Variants in PNLIPRP3 observed in about 807,000 individuals in gnomAD.
The protein encoded by PNLIPRP3 is pancreatic lipase related protein 3, also known as pancreatic lipase-related protein 3.
Under a neutral mutation model 52.8 loss-of-function variants are expected in PNLIPRP3, and 58 were observed. The ratio of observed to expected loss-of-function variants is 1.10; its 90% CI spans 0.89 to 1.37. The LOEUF is 1.37. Ranked by LOEUF, PNLIPRP3 falls within the 40% of genes most tolerant of loss-of-function variation. The probability of loss-of-function intolerance (pLI) is 0.00; values close to 1 mark genes in which losing one functional copy is unlikely to be tolerated. For missense variants in PNLIPRP3, 593 were observed against 561.6 expected (o/e 1.06, Z -0.57); for synonymous variants, 192 against 185.0 (o/e 1.04, Z -0.31).
At chr10:116,475,994 T>C (rs1846458314) in intron 10 of PNLIPRP3, among the ~76,000 whole-genome samples, 1 of 152,122 alleles carries the variant, frequency 6.6e-6, no homozygotes, top group African/African-American at 2.4e-5. Flanking sequence ...AGATGTTGGT[T>C]TGGGTGCCAC....
At chr10:116,439,926 T>G (rs573727132) in intron 2 of PNLIPRP3, 102 of 869,364 alleles carry the variant, frequency 1.2e-4, no homozygotes, top group Admixed American at 1.1e-3. Context: ...TCTTGGAAAA[T>G]TCTGCAAAAT....
intron 8 of PNLIPRP3, among the ~76,000 whole-genome samples, chr10:116,468,432 A>G (rs766843151): frequency 1.3e-5 from 2 of 152,218 alleles, no homozygotes; most frequent in Non-Finnish European, 2.9e-5. Flanking sequence ...AATGAAACAC[A>G]AAAACATAAG....
intron 9 of PNLIPRP3, 96 bp from the exon 10 acceptor site, chr10:116,471,672 T>C (rs1846373372): frequency 1.2e-5 from 12 of 979,228 alleles, no homozygotes; most frequent in Non-Finnish European, 1.9e-5. Flanking sequence ...AATACAACCC[T>C]GAAAATTTTA....
chr10:116,428,482 T>G (rs1589972368), intron 1 of PNLIPRP3, among the ~76,000 whole-genome samples: 1 of 152,152 alleles, frequency 6.6e-6, no homozygotes, highest in Non-Finnish European at 1.5e-5. Flanking sequence ...TTCCAAATTC[T>G]GTAGCTGACT....
At chr10:116,436,055 C>A (rs1388612430) in intron 1 of PNLIPRP3, among the ~76,000 whole-genome samples, 2 of 152,202 alleles carry the variant, frequency 1.3e-5, no homozygotes, top group African/African-American at 4.8e-5. Context: ...ATATGGTCAA[C>A]TAGTCTTTGA....
chr10:116,442,309 G>C lies in PNLIPRP3; in HGVS notation c.205-746G>C, dbSNP rs553681524. ...CATATAAAATTATCTCCAATATGCT[G>C]GTGTATTTCATGTGATGAGATTCTA... On this transcript the variant is annotated intron_variant, in intron 2 of 11. Coordinates refer to ENST00000369230, the MANE Select transcript of PNLIPRP3 (RefSeq NM_001011709.3). Among the ~76,000 whole-genome samples the C allele has an allele frequency of 9.6e-4, 146 of 152,184 alleles. 3 individuals are homozygous for C. In the South Asian group the frequency reaches 0.028, roughly 29 times the overall value.
chr10:116,469,209 G>T lies in PNLIPRP3; in HGVS notation c.952G>T (p.Glu318Ter). 1 of 1,612,032 alleles carries T rather than the reference G, an allele frequency of 6.2e-7. No homozygotes were observed. Among genetic ancestry groups the T allele is most frequent in the South Asian group, 1.1e-5 (1 of 90,248 alleles). ...KAGNCFFCSK[E>*]GCPTMGHFAD... Reference sequence around the variant, plus strand: ...GGGAAATTGCTTCTTTTGTTCCAAAGAAGGTTGCCCAACAATGGGTCATTT... The same window carrying T: ...GGGAAATTGCTTCTTTTGTTCCAAATAAGGTTGCCCAACAATGGGTCATTT... Residue 318 changes from glutamate (E) to a stop codon, truncating the protein, a stop_gained, in exon 9 of 12, where the codon GAA (glutamate) becomes TAA (stop). Transcript: ENST00000369230. LOFTEE classifies it high-confidence loss of function.
intron 9 of PNLIPRP3, among the ~76,000 whole-genome samples, chr10:116,470,979 G>A (rs952086777): frequency 2.0e-5 from 3 of 152,248 alleles, no homozygotes; most frequent in African/African-American, 7.2e-5. Context: ...AGACAGCAGG[G>A]GGAGCCAGGT....
intron 3 of PNLIPRP3, among the ~76,000 whole-genome samples, chr10:116,443,733 T>C: frequency 7.1e-6 from 1 of 140,326 alleles, no homozygotes; most frequent in Non-Finnish European, 1.5e-5. Context: ...AATGCATAGG[T>C]GCTAATTACT....
chr10:116,461,847 A>G (rs534300913), intron 7 of PNLIPRP3, among the ~76,000 whole-genome samples: 25 of 152,274 alleles, frequency 1.6e-4, no homozygotes, highest in Admixed American at 4.6e-4. Flanking sequence ...CACCAAGGGG[A>G]GAGGCATTCC....
intron 5 of PNLIPRP3, among the ~76,000 whole-genome samples, chr10:116,458,912 T>G (rs1374841833): frequency 1.3e-5 from 2 of 152,200 alleles, no homozygotes; most frequent in Non-Finnish European, 2.9e-5. Flanking sequence ...TCCTTAGGGT[T>G]CATTCTCTCC....
chr10:116,477,213 C>A lies in PNLIPRP3; in HGVS notation c.*60C>A. 1 of 1,416,054 alleles carries A rather than the reference C, an allele frequency of 7.1e-7. No homozygotes were observed. The allele number at this position is 1,416,054 out of a possible 1,614,324, so 87.7% of individuals were successfully genotyped here. A position where few individuals can be genotyped will look rare whatever the true frequency, so the allele number is the denominator to read the frequency against. ...GAGCAATGAAGAAAAGTGTCTCCTT[C>A]CACCTGGCATCCAGACCAAATTTGA... On this transcript the variant is annotated 3_prime_UTR_variant, in exon 12 of 12. Coordinates refer to ENST00000369230, the MANE Select transcript of PNLIPRP3 (RefSeq NM_001011709.3).
chr10:116,435,186 G>A (rs1845757704), intron 1 of PNLIPRP3, among the ~76,000 whole-genome samples: 1 of 152,008 alleles, frequency 6.6e-6, no homozygotes, highest in Admixed American at 6.6e-5. Flanking sequence ...CAACTTTTTG[G>A]AGTCAGCATG....
rs1213309994 is a variant in PNLIPRP3 at position 116,476,824 on chromosome 10, G to T, written c.1340+5G>T. Reference sequence around the variant, plus strand: ...ATCTGGGAAATATGGATATAAGTAAGTATTGCTTTTTCCTTTTCATTTTCG... The same window carrying T: ...ATCTGGGAAATATGGATATAAGTAATTATTGCTTTTTCCTTTTCATTTTCG... On this transcript the variant is annotated splice_donor_5th_base_variant and intron_variant, in intron 11 of 11. Coordinates refer to ENST00000369230, the MANE Select transcript of PNLIPRP3 (RefSeq NM_001011709.3). 6.4e-7 allele frequency: 1 copy of T among 1,574,194 alleles called. No homozygotes were observed. The highest frequency in any genetic ancestry group is 2.3e-5 in the East Asian group (1 of 44,330).
Position 116,435,983 on chromosome 10 carries a change from C to T in PNLIPRP3, c.50-728C>T, listed in dbSNP as rs186599531. ...ATTAATCAAGACAGTGTGATACTGA[C>T]ATAAAAACAGACACATAAACAAATG... On this transcript the variant is annotated intron_variant, in intron 1 of 11. Coordinates refer to ENST00000369230, the MANE Select transcript of PNLIPRP3 (RefSeq NM_001011709.3). Among the ~76,000 whole-genome samples, 8 of 152,282 alleles carry T rather than the reference C, an allele frequency of 5.3e-5. No homozygotes were observed. The East Asian group carries it at 1.4e-3, about 26-fold the overall frequency.
intron 1 of PNLIPRP3, among the ~76,000 whole-genome samples, chr10:116,430,601 G>A (rs1227980652): frequency 6.6e-6 from 1 of 151,962 alleles, no homozygotes; most frequent in Non-Finnish European, 1.5e-5. Context: ...ATTGACTGTA[G>A]GATTTACACT....
Position 116,477,016 on chromosome 10 carries a change from G to A in PNLIPRP3, c.1341-74G>A, listed in dbSNP as rs528047859. On this transcript the variant is annotated intron_variant, in intron 11 of 11. Transcript: ENST00000369230. The stretch of plus-strand genomic sequence containing the variant: ...GAAAATAAGAATTACTCATTAAATC[G>A]GGGGATCTACCGTGTCTTTTTCTTC... 8.3e-5 allele frequency: 108 copies of A among 1,305,504 alleles called. No homozygotes were observed. The South Asian group carries it at 9.5e-4, about 11-fold the overall frequency. 80.9% of individuals were successfully genotyped at this position (1,305,504 alleles called of 1,614,324 possible).
intron 5 of PNLIPRP3, among the ~76,000 whole-genome samples, chr10:116,459,124 G>GT (rs1156508982): frequency 7.9e-5 from 12 of 151,702 alleles, no homozygotes; most frequent in Non-Finnish European, 1.5e-4. Context: ...GGTTGTCTTT[G>GT]TTTTTTTGAC....
intron 7 of PNLIPRP3, among the ~76,000 whole-genome samples, chr10:116,462,641 A>G (rs1322372167): frequency 6.6e-6 from 1 of 152,182 alleles, no homozygotes; most frequent in Non-Finnish European, 1.5e-5. Context: ...GGCCAATTTC[A>G]CCTAGTTCAG....
Sources: allele counts gnomAD v4.1 joint callset (sites outside exome capture counted in the v4.1 genomes callset), GRCh38; gene constraint gnomAD v4.1.1; transcripts MANE v1.5; gene names NCBI Gene and HGNC (gene_info 2026-07-23, HGNC 2026-07-21).